The following ADNP2 variants were observed in gnomAD, a reference collection of about 807,000 sequenced individuals.
ADNP2 encodes ADNP homeobox 2, also known as activity-dependent neuroprotector homeobox protein 2.
In ADNP2, 8 loss-of-function variants were observed where a neutral mutation model predicts 16.4. The observed-to-expected ratio is 0.49, with a 90% CI of 0.29 to 0.88. The LOEUF (loss-of-function observed/expected upper bound fraction) is 0.88, where lower values mean the gene tolerates loss of function less well. ADNP2 is among the 40% of genes least tolerant of loss of function. The pLI is 0.09. For synonymous variants in ADNP2, 637 were observed against 545.8 expected, an observed-to-expected ratio of 1.17 and a Z score of -2.33; for missense variants, 1,397 against 1,395.1, an observed-to-expected ratio of 1.00 and a Z score of -0.02.
Position 80,135,928 on chromosome 18 carries a change from A to T in ADNP2, c.515A>T (p.Lys172Met), listed in dbSNP as rs2052529632. The change falls in exon 4 of 4, where the codon AAG becomes ATG. Residue 172 changes from lysine to methionine, a missense_variant. Physicochemically the swap from Lys to Met is moderately conservative, Grantham distance 95. This residue lies in a region of ADNP2 where 777 missense variants were observed against 719.4 expected (regional missense o/e 1.08). Coordinates refer to ENST00000262198, the MANE Select transcript of ADNP2 (RefSeq NM_014913.4). ...FSNTLYYSMK[K>M]HVLVAHFHYL... is the part of the protein sequence containing the mutation. ...AACACTTTGTACTACAGCATGAAGA[A>T]GCATGTGCTGGTAGCCCATTTTCAC... 1 of 1,614,122 alleles carries T rather than the reference A, an allele frequency of 6.2e-7. No homozygotes were observed. The highest frequency in any genetic ancestry group is 2.2e-5 in the East Asian group (1 of 44,898).
At chr18:80,135,539 C>T in intron 3 of ADNP2, 73 bp from the exon 4 acceptor site, 1 of 1,377,622 alleles carries the variant, frequency 7.3e-7, no homozygotes, top group Non-Finnish European at 9.9e-7. Flanking sequence ...GGGATCAAGT[C>T]CTCAGGGACT....
At chr18:80,126,928 A>C (rs1306414368) in intron 2 of ADNP2, among the ~76,000 whole-genome samples, 1 of 152,234 alleles carries the variant, frequency 6.6e-6, no homozygotes, top group Non-Finnish European at 1.5e-5. Context: ...ATCTGTTTTA[A>C]GTTCCATGGC....
At chr18:80,130,209 T>C (rs1288779625) in intron 2 of ADNP2, among the ~76,000 whole-genome samples, 1 of 152,204 alleles carries the variant, frequency 6.6e-6, no homozygotes, top group Non-Finnish European at 1.5e-5. Context: ...CTAAAGGGCC[T>C]GTGAGGATGG....
At chr18:80,119,252 G>C (rs2052408874) in intron 2 of ADNP2, among the ~76,000 whole-genome samples, 2 of 151,994 alleles carry the variant, frequency 1.3e-5, no homozygotes, top group Non-Finnish European at 2.9e-5. Flanking sequence ...TTTTCAAGCA[G>C]CAGAAACCAA....
intron 2 of ADNP2, among the ~76,000 whole-genome samples, chr18:80,127,179 T>A (rs1261272864): frequency 1.3e-5 from 2 of 152,164 alleles, no homozygotes; most frequent in Admixed American, 1.3e-4. Flanking sequence ...TATGTCTGTA[T>A]AGGAAAAAAC....
At chr18:80,119,171 C>T (rs1488904336) in intron 2 of ADNP2, among the ~76,000 whole-genome samples, 3 of 152,136 alleles carry the variant, frequency 2.0e-5, no homozygotes, top group South Asian at 2.1e-4. Context: ...TTCACTGAAC[C>T]GCATAGTGAG....
chr18:80,115,367 G>A (rs1360727192), intron 1 of ADNP2, among the ~76,000 whole-genome samples: 2 of 152,086 alleles, frequency 1.3e-5, no homozygotes, highest in Non-Finnish European at 2.9e-5. Flanking sequence ...AAAGGAAAGC[G>A]GTATTTAGGA....
intron 2 of ADNP2, among the ~76,000 whole-genome samples, chr18:80,118,977 G>GA (rs1195072364): frequency 6.6e-6 from 1 of 151,972 alleles, no homozygotes; most frequent in African/African-American, 2.4e-5. Context: ...TTTTTTATAG[G>GA]AAAATGAGAA....
chr18:80,129,227 C>T (rs908012118), intron 2 of ADNP2, among the ~76,000 whole-genome samples: 1 of 151,710 alleles, frequency 6.6e-6, no homozygotes, highest in African/African-American at 2.4e-5. Flanking sequence ...CCTCAGCCTC[C>T]CATGTAGCTG....
Position 80,138,876 on chromosome 18 carries a change from AGTGTTGTCCTCACT to A in ADNP2, c.*74_*87del. On this transcript the variant is annotated 3_prime_UTR_variant, in exon 4 of 4. Transcript: ENST00000262198. ...AGATTTTTTTCAGTTGAAATTTCAC[AGTGTTGTCCTCACT>A]GTGTTGGTGAATCAACCTCAGTGGT... 7.4e-7 allele frequency: 1 copy of A among 1,346,828 alleles called. No homozygotes were observed. The highest frequency in any genetic ancestry group is 9.8e-7 in the Non-Finnish European group (1 of 1,018,746). The allele number at this position is 1,346,828 out of a possible 1,614,324, so 83.4% of individuals were successfully genotyped here.
chr18:80,128,467 T>C (rs2052474511), intron 2 of ADNP2, among the ~76,000 whole-genome samples: 1 of 152,036 alleles, frequency 6.6e-6, no homozygotes, highest in Non-Finnish European at 1.5e-5. Context: ...CTGGCCAACA[T>C]GGTGAAACCC....
Position 80,138,988 on chromosome 18 carries a change from A to G in ADNP2, c.*179A>G, listed in dbSNP as rs376640961. On this transcript the variant is annotated 3_prime_UTR_variant, in exon 4 of 4. Coordinates refer to ENST00000262198, the MANE Select transcript of ADNP2 (RefSeq NM_014913.4). ...TTACCAGGAAGCCAGTAGTTATTTC[A>G]CATCTATTGTTTCCTGCAGTTTGAT... is the stretch of plus-strand genomic sequence containing the variant. 1.0e-5 allele frequency: 5 copies of G among 492,524 alleles called. No individual in the cohort carries two copies. The South Asian group carries it at 1.7e-4, about 17-fold the overall frequency. The allele number at this position is 492,524 out of a possible 1,614,324, so 30.5% of individuals were successfully genotyped here.
At chr18:80,130,932 C>T (rs1026734123) in intron 2 of ADNP2, among the ~76,000 whole-genome samples, 1 of 152,164 alleles carries the variant, frequency 6.6e-6, no homozygotes, top group African/African-American at 2.4e-5. Flanking sequence ...TCTGTCTTAT[C>T]CATGGTTGGG....
intron 3 of ADNP2, 59 bp from the exon 4 acceptor site, chr18:80,135,553 G>T: frequency 6.9e-7 from 1 of 1,446,434 alleles, no homozygotes; most frequent in Admixed American, 2.1e-5. Context: ...AGGGACTGTG[G>T]AAGGTTAGCA....
In ADNP2 at chr18:80,139,543, A is replaced by G. The variant is rs2052567359; in HGVS notation, c.*734A>G. The G allele has an allele frequency of 6.6e-6, 1 of 152,590 alleles. No individual in the cohort carries two copies. Among genetic ancestry groups the G allele is most frequent in the Non-Finnish European group, 1.5e-5 (1 of 68,030 alleles). The allele number at this position is 152,590 out of a possible 1,614,324, so 9.5% of individuals were successfully genotyped here. On this transcript the variant is annotated 3_prime_UTR_variant, in exon 4 of 4. Transcript: ENST00000262198. ...ATAAATTTATTCTGTAGATGCAGAA[A>G]TATTTTTCAGTGTAGATTTTCCCTT... is the stretch of plus-strand genomic sequence containing the variant.
At chr18:80,123,617 C>A (rs1345179552) in intron 2 of ADNP2, among the ~76,000 whole-genome samples, 1 of 152,180 alleles carries the variant, frequency 6.6e-6, no homozygotes, top group Non-Finnish European at 1.5e-5. Context: ...GATCTGCCCG[C>A]CTCGGCCTCC....
chr18:80,138,837 CTAAAG>C lies in ADNP2; in HGVS notation c.*31_*35del, dbSNP rs1047637731. ...CTTGCAAAAAAAAAAAAAAGTAACT[CTAAAG>C]TAGTAGGTAGATTTTTTTCAGTTGA... is the stretch of plus-strand genomic sequence containing the variant. On this transcript the variant is annotated 3_prime_UTR_variant, in exon 4 of 4. Coordinates refer to ENST00000262198, the MANE Select transcript of ADNP2 (RefSeq NM_014913.4). The C allele has an allele frequency of 5.0e-6, 7 of 1,394,610 alleles. No individual in the cohort carries two copies. Among genetic ancestry groups the C allele is most frequent in the Admixed American group, 2.9e-5 (1 of 34,902 alleles). 86.4% of individuals were successfully genotyped at this position (1,394,610 alleles called of 1,614,324 possible).
rs755760493 is a variant in ADNP2, at chr18:80,138,020, C to T, written c.2607C>T (p.Ser869=). 1 of 1,613,614 alleles carries T rather than the reference C, an allele frequency of 6.2e-7. No homozygotes were observed. The highest frequency in any genetic ancestry group is 1.7e-5 in the Admixed American group (1 of 60,018). The part of the protein sequence containing the change: ...VRPQAEGTPG[S]TGKRVSTCPF... ...CTCAGGCTGAGGGCACCCCCGGGAG[C>T]ACCGGCAAGCGAGTGTCCACCTGCC... Residue 869 remains serine (S), a synonymous_variant, in exon 4 of 4, where the codon AGC becomes AGT. Transcript: ENST00000262198.
chr18:80,114,192 C>CA (rs138431229), intron 1 of ADNP2, among the ~76,000 whole-genome samples: 1,304 of 110,202 alleles, frequency 0.012, 11 homozygotes, highest in Middle Eastern at 0.025. Flanking sequence ...GACCCTGTCT[C>CA]AAAAAAAAAA....
Sources: gnomAD v4.1 joint callset for allele counts (sites outside exome capture counted in the v4.1 genomes callset) on GRCh38, gnomAD v4.1.1 for gene constraint, gnomAD v4.1.1 regional missense constraint, MANE v1.5 for transcripts, NCBI Gene and HGNC (gene_info 2026-07-23, HGNC 2026-07-21) for gene names.